TET2: variants seen among roughly 807,000 people sequenced by gnomAD.
The protein encoded by TET2 is tet methylcytosine dioxygenase 2, also known as methylcytosine dioxygenase TET2.
Under a neutral mutation model 142.9 loss-of-function variants are expected in TET2, and 299 were observed. The ratio of observed to expected loss-of-function variants is 2.09; its 90% CI spans 1.90 to 2.30. The LOEUF (loss-of-function observed/expected upper bound fraction) is 2.30. Among genes scored for constraint, TET2 ranks in the 30% most tolerant of loss-of-function variants. The pLI is 0.00. For synonymous variants in TET2, 819 were observed against 849.0 expected (o/e 0.96, Z 0.61); for missense variants, 2,418 against 2,378.0 (o/e 1.02, Z -0.35).
chr4:105,259,532 C>G (rs555793692), intron 6 of TET2, 87 bp from the exon 7 acceptor site: 1 of 1,306,694 alleles, frequency 7.7e-7, no homozygotes, highest in African/African-American at 1.5e-5. Context: ...TTTTCAAACT[C>G]ATTTTGCATA....
chr4:105,222,542 G>T (rs551884634), intron 2 of TET2, among the ~76,000 whole-genome samples: 63 of 152,290 alleles, frequency 4.1e-4, no homozygotes, highest in Admixed American at 2.2e-3. Flanking sequence ...CATGTGCTTC[G>T]CCCACTTTTT....
chr4:105,241,543 T>G lies in TET2; in HGVS notation c.3500+114T>G, dbSNP rs145697120. 170 of 1,459,294 alleles carry G rather than the reference T, an allele frequency of 1.2e-4. 1 individual carries two copies. In the African/African-American group the frequency reaches 1.9e-3, roughly 16 times the overall value. 90.4% of individuals were successfully genotyped at this position (1,459,294 alleles called of 1,614,324 possible). A position where few individuals can be genotyped will look rare whatever the true frequency, so the allele number is the denominator to read the frequency against. On this transcript the variant is annotated intron_variant, in intron 4 of 10. Transcript: ENST00000380013. The stretch of plus-strand genomic sequence containing the variant: ...CAATTGTAAATTGAGTAATTATTAG[T>G]AGGCTTAGCTATTCTAGGGTTGCCA...
chr4:105,212,060 C>G (rs975125642), intron 2 of TET2, among the ~76,000 whole-genome samples: 18 of 152,202 alleles, frequency 1.2e-4, no homozygotes, highest in Admixed American at 9.2e-4. Context: ...GAAACATATT[C>G]TCACCTTGAT....
intron 9 of TET2, among the ~76,000 whole-genome samples, chr4:105,270,785 G>GA (rs928087330): frequency 2.6e-5 from 4 of 151,998 alleles, no homozygotes; most frequent in Non-Finnish European, 5.9e-5. Flanking sequence ...ATATTCTGTT[G>GA]AAAAAACTAT....
intron 1 of TET2, among the ~76,000 whole-genome samples, chr4:105,176,506 G>A (rs1029180150): frequency 6.6e-6 from 1 of 152,124 alleles, no homozygotes. Flanking sequence ...ATAAACAAGT[G>A]TAATTTGAAT....
At chr4:105,167,427 G>C (rs1046527826) in intron 1 of TET2, among the ~76,000 whole-genome samples, 1 of 151,614 alleles carries the variant, frequency 6.6e-6, no homozygotes, top group Non-Finnish European at 1.5e-5. Flanking sequence ...ACATGTATAT[G>C]TAGTATATGT....
rs752383058 is a variant in TET2 at position 105,235,078 on chromosome 4, C to T, written c.1136C>T (p.Ala379Val). The change falls in exon 3 of 11, where the codon GCT (alanine) becomes GTT (valine). Residue 379 changes from alanine to valine, a missense_variant. Transcript: ENST00000380013. ...TTAAAACAAAATGAAATGAATGGTG[C>T]TTACTTCAAGCAAAGCTCAGTGTTC... ...RYLKQNEMNGAYFKQSSVFTK... is the reference protein window; with the variant it reads ...RYLKQNEMNGVYFKQSSVFTK... 6.2e-7 allele frequency: 1 copy of T among 1,613,950 alleles called. No individual in the cohort carries two copies. The highest frequency in any genetic ancestry group is 8.5e-7 in the Non-Finnish European group (1 of 1,180,012).
At chr4:105,270,831 T>C (rs558344903) in intron 9 of TET2, among the ~76,000 whole-genome samples, 3 of 152,100 alleles carry the variant, frequency 2.0e-5, no homozygotes, top group Non-Finnish European at 4.4e-5. Context: ...AACATGGATG[T>C]AGGTGTAGTT....
intron 9 of TET2, among the ~76,000 whole-genome samples, chr4:105,270,989 T>TA (rs1028861333): frequency 1.3e-5 from 2 of 152,188 alleles, no homozygotes; most frequent in Non-Finnish European, 1.5e-5. Context: ...GCAGAGAAGA[T>TA]ATTAATTTAA....
In TET2 at chr4:105,270,047, T is replaced by C. The variant is rs550663044; in HGVS notation, c.4182+300T>C. On this transcript the variant is annotated intron_variant, in intron 9 of 10. Coordinates refer to ENST00000380013, the MANE Select transcript of TET2 (RefSeq NM_001127208.3). ...GATCTGCCCCCATGATTCAATTACC[T>C]CCCACTGGGTCCTTCCCAAAACACA... 6.6e-5 allele frequency among the ~76,000 whole-genome samples: 10 copies of C among 152,226 alleles called. No individual in the cohort carries two copies. In the South Asian group the frequency reaches 2.1e-3, roughly 32 times the overall value.
chr4:105,278,898 C>T lies in TET2; in HGVS notation c.*2379C>T. The stretch of plus-strand genomic sequence containing the variant: ...ATACTCCATGTGGACTTCCCTTAAA[C>T]AGGCAAACACCTACAGGTATGGTGT... On this transcript the variant is annotated 3_prime_UTR_variant, in exon 11 of 11. Coordinates refer to ENST00000380013, the MANE Select transcript of TET2 (RefSeq NM_001127208.3). 4.3e-6 allele frequency: 1 copy of T among 232,986 alleles called. No individual in the cohort carries two copies. The highest frequency in any genetic ancestry group is 6.1e-5 in the East Asian group (1 of 16,502). 14.4% of individuals were successfully genotyped at this position (232,986 alleles called of 1,614,324 possible).
At chr4:105,200,977 C>T (rs1726428452) in intron 2 of TET2, among the ~76,000 whole-genome samples, 2 of 151,964 alleles carry the variant, frequency 1.3e-5, no homozygotes, top group Admixed American at 6.6e-5. Context: ...TACTTTTAAT[C>T]AAAATGAGAA....
intron 1 of TET2, among the ~76,000 whole-genome samples, chr4:105,175,133 G>A (rs1486189027): frequency 6.6e-6 from 1 of 152,092 alleles, no homozygotes; most frequent in Non-Finnish European, 1.5e-5. Flanking sequence ...AAGCCTATTT[G>A]CAGCAGTTTC....
In TET2 at chr4:105,244,595, T is replaced by C. The variant is rs1301109459; in HGVS notation, c.3803+817T>C. Among the ~76,000 whole-genome samples, 170 of 115,344 alleles carry C rather than the reference T, an allele frequency of 1.5e-3. 5 individuals carry two copies. Among genetic ancestry groups the C allele is most frequent in the Non-Finnish European group, 1.3e-3 (60 of 46,678 alleles). The allele number at this position is 115,344 out of a possible 152,430, so 75.7% of individuals were successfully genotyped here. ...GGTGCTACACAGAAATGTTTTTTTT[T>C]TTTTTTTTTTTTTTTTTGAGATGGA... On this transcript the variant is annotated intron_variant, in intron 6 of 10. Coordinates refer to ENST00000380013, the MANE Select transcript of TET2 (RefSeq NM_001127208.3).
At chr4:105,221,523 G>A in intron 2 of TET2, among the ~76,000 whole-genome samples, 1 of 151,924 alleles carries the variant, frequency 6.6e-6, no homozygotes, top group East Asian at 1.9e-4. Context: ...AATTAAATAG[G>A]CCCTACTGAG....
chr4:105,152,984 C>T (rs567063212), intron 1 of TET2, among the ~76,000 whole-genome samples: 13 of 152,162 alleles, frequency 8.5e-5, no homozygotes, highest in Non-Finnish European at 1.8e-4. Context: ...GTTTTCCTTA[C>T]ATTTAATTTC....
intron 1 of TET2, among the ~76,000 whole-genome samples, chr4:105,179,766 C>T (rs1725010475): frequency 6.6e-6 from 1 of 152,162 alleles, no homozygotes; most frequent in African/African-American, 2.4e-5. Context: ...AGTATTAAGT[C>T]ATTTCAGTGG....
rs557115409 is a variant in TET2, at chr4:105,178,871, A to G, written c.-192-11489A>G. On this transcript the variant is annotated intron_variant, in intron 1 of 10. Coordinates refer to ENST00000380013, the MANE Select transcript of TET2 (RefSeq NM_001127208.3). ...TCAGTTCATTTTCATACTGCTATAAAGTACTGCCTGAGACTGAGTAATTTA... is the reference window on the plus strand; with the variant it reads ...TCAGTTCATTTTCATACTGCTATAAGGTACTGCCTGAGACTGAGTAATTTA... 2.6e-5 allele frequency among the ~76,000 whole-genome samples: 4 copies of G among 152,336 alleles called. No individual in the cohort carries two copies. The East Asian group carries it at 7.7e-4, about 29-fold the overall frequency.
chr4:105,257,970 T>C (rs938113199), intron 6 of TET2, among the ~76,000 whole-genome samples: 2 of 152,000 alleles, frequency 1.3e-5, no homozygotes, highest in African/African-American at 4.8e-5. Context: ...AATGGGACTT[T>C]AGAGTATATC....
Sources: allele counts gnomAD v4.1 joint callset (sites outside exome capture counted in the v4.1 genomes callset), GRCh38; gene constraint gnomAD v4.1.1; transcripts MANE v1.5; gene names NCBI Gene and HGNC (gene_info 2026-07-23, HGNC 2026-07-21).